The following CDH13 variants were observed in gnomAD, a reference collection of about 807,000 sequenced individuals.
CDH13 encodes cadherin-13.
Under a neutral mutation model 63.8 loss-of-function variants are expected in CDH13, and 24 were observed. The ratio of observed to expected loss-of-function variants is 0.38; its 90% confidence interval spans 0.27 to 0.53. The LOEUF (loss-of-function observed/expected upper bound fraction) is 0.53, where lower values mean the gene tolerates loss of function less well. CDH13 is among the 20% of genes least tolerant of loss of function. The pLI is 0.85. For missense variants in CDH13, 1,049 were observed against 903.1 expected (o/e 1.16, Z -2.07); for synonymous variants, 503 against 355.3 (o/e 1.42, Z -4.67).
intron 6 of CDH13, among the ~76,000 whole-genome samples, chr16:83,383,639 C>T (rs1225383242): frequency 6.6e-6 from 1 of 152,064 alleles, no homozygotes; most frequent in African/African-American, 2.4e-5. Flanking sequence ...GGGTTGTTTT[C>T]TGTTGCTGTC....
In CDH13 at chr16:82,821,358, A is replaced by G. The variant is rs201591855; in HGVS notation, c.46-37004A>G. 3.3e-5 allele frequency among the ~76,000 whole-genome samples: 5 copies of G among 152,334 alleles called. No homozygotes were observed. In the East Asian group the frequency reaches 7.7e-4, roughly 24 times the overall value. On this transcript the variant is annotated intron_variant, in intron 1 of 13. Transcript: ENST00000567109. ...GCATAAGGCTATTTTTAAAATTTAT[A>G]CTAATGAGACGATTCGAGGCAGATA...
intron 7 of CDH13, among the ~76,000 whole-genome samples, chr16:83,499,710 G>C (rs1190632401): frequency 2.0e-5 from 3 of 152,198 alleles, no homozygotes; most frequent in Admixed American, 1.3e-4. Context: ...GCTTAGGAGG[G>C]TAATAGCTGA....
intron 10 of CDH13, among the ~76,000 whole-genome samples, chr16:83,704,619 A>G (rs1906733089): frequency 6.6e-6 from 1 of 152,214 alleles, no homozygotes; most frequent in African/African-American, 2.4e-5. Flanking sequence ...CCATCAGTGC[A>G]ATTCTAAGAA....
At chr16:83,576,331 C>A (rs529650918) in intron 7 of CDH13, among the ~76,000 whole-genome samples, 18 of 152,312 alleles carry the variant, frequency 1.2e-4, no homozygotes, top group African/African-American at 4.3e-4. Flanking sequence ...TTGTAGCATG[C>A]ATCAGTATTT....
At chr16:83,456,923 C>T (rs768479778) in intron 6 of CDH13, among the ~76,000 whole-genome samples, 6 of 152,220 alleles carry the variant, frequency 3.9e-5, no homozygotes, top group Non-Finnish European at 8.8e-5. Flanking sequence ...GAAGATGCCA[C>T]TGCACTCCAG....
chr16:83,558,892 T>A (rs1201137144), intron 7 of CDH13, among the ~76,000 whole-genome samples: 1 of 152,196 alleles, frequency 6.6e-6, no homozygotes, highest in African/African-American at 2.4e-5. Flanking sequence ...AAGCTGGGTG[T>A]CCACAGTCAC....
chr16:83,366,550 AACG>A (rs756387898), intron 6 of CDH13, among the ~76,000 whole-genome samples: 1 of 152,190 alleles, frequency 6.6e-6, no homozygotes, highest in Middle Eastern at 3.2e-3. Context: ...ACACTGACAG[AACG>A]ACATCATCCC....
chr16:82,721,422 C>T (rs1405513081), intron 1 of CDH13, among the ~76,000 whole-genome samples: 1 of 152,050 alleles, frequency 6.6e-6, no homozygotes, highest in Non-Finnish European at 1.5e-5. Context: ...CAGAGGTCCT[C>T]AGGCAGTTAA....
intron 2 of CDH13, among the ~76,000 whole-genome samples, chr16:82,924,098 C>G (rs1393598554): frequency 1.3e-5 from 2 of 152,206 alleles, no homozygotes; most frequent in African/African-American, 4.8e-5. Flanking sequence ...AATTAAATAA[C>G]TGGTATATAA....
intron 1 of CDH13, among the ~76,000 whole-genome samples, chr16:82,637,132 G>C (rs1009199108): frequency 3.9e-5 from 6 of 152,140 alleles, no homozygotes; most frequent in Non-Finnish European, 8.8e-5. Context: ...CCTTTGGCCA[G>C]GATCCTACAG....
At chr16:83,695,009 C>T (rs186976433) in intron 10 of CDH13, among the ~76,000 whole-genome samples, 27 of 152,214 alleles carry the variant, frequency 1.8e-4, no homozygotes, top group Non-Finnish European at 3.5e-4. Flanking sequence ...GAGTTCGAGA[C>T]CAGCCCGGCC....
chr16:82,977,587 T>C (rs1567712789), intron 2 of CDH13, among the ~76,000 whole-genome samples: 1 of 152,166 alleles, frequency 6.6e-6, no homozygotes, highest in African/African-American at 2.4e-5. Flanking sequence ...TCCACCATGA[T>C]TGTAAATTTC....
intron 5 of CDH13, among the ~76,000 whole-genome samples, chr16:83,226,007 G>A (rs532076492): frequency 3.3e-5 from 5 of 152,268 alleles, no homozygotes; most frequent in East Asian, 3.9e-4. Context: ...GCTTTCTAAT[G>A]CCTCCTTGGA....
intron 5 of CDH13, among the ~76,000 whole-genome samples, chr16:83,342,314 C>T (rs1452774455): frequency 1.3e-5 from 2 of 152,158 alleles, no homozygotes; most frequent in Non-Finnish European, 2.9e-5. Flanking sequence ...TCTTGTTTAT[C>T]ACCTGTCTTT....
intron 1 of CDH13, among the ~76,000 whole-genome samples, chr16:82,681,070 G>C (rs1005024350): frequency 6.6e-6 from 1 of 152,202 alleles, no homozygotes; most frequent in Non-Finnish European, 1.5e-5. Flanking sequence ...GCATGGCAAA[G>C]GGGCTTGCCC....
At chr16:82,795,489 G>A (rs1008007782) in intron 1 of CDH13, among the ~76,000 whole-genome samples, 2 of 152,128 alleles carry the variant, frequency 1.3e-5, no homozygotes, top group Non-Finnish European at 2.9e-5. Context: ...ATTTTTCAAG[G>A]CTCGTTACCA....
At chr16:82,868,290 C>A (rs2040222416) in intron 2 of CDH13, among the ~76,000 whole-genome samples, 1 of 152,178 alleles carries the variant, frequency 6.6e-6, no homozygotes, top group African/African-American at 2.4e-5. Context: ...TATATTTAAA[C>A]AGAGCTCAGT....
At chr16:82,868,545 A>C (rs1166570124) in intron 2 of CDH13, among the ~76,000 whole-genome samples, 1 of 152,222 alleles carries the variant, frequency 6.6e-6, no homozygotes, top group Admixed American at 6.5e-5. Flanking sequence ...TCTTTAAAGA[A>C]TGGGAAACAC....
intron 1 of CDH13, among the ~76,000 whole-genome samples, chr16:82,802,614 G>A (rs2036922649): frequency 6.6e-6 from 1 of 152,144 alleles, no homozygotes; most frequent in Non-Finnish European, 1.5e-5. Context: ...GGGGCTTCAT[G>A]CCCTTTTCCT....
Sources: allele counts gnomAD v4.1 joint callset (sites outside exome capture counted in the v4.1 genomes callset), GRCh38; gene constraint gnomAD v4.1.1; transcripts MANE v1.5; gene names NCBI Gene and HGNC (gene_info 2026-07-23, HGNC 2026-07-21).